The following CYB5R4 variants were observed in gnomAD, a reference collection of about 807,000 sequenced individuals.
CYB5R4 encodes cytochrome b5 reductase 4.
Under a neutral mutation model 70.2 loss-of-function variants are expected in CYB5R4, and 55 were observed. That is an observed-to-expected ratio of 0.78 (90% confidence interval 0.63 to 0.98). CYB5R4 has a LOEUF of 0.98. Among genes scored for constraint, CYB5R4 ranks in the 50% least tolerant of loss-of-function variants. The pLI is 0.00. For missense variants in CYB5R4, 562 were observed against 612.6 expected, an observed-to-expected ratio of 0.92 and a Z score of 0.87; for synonymous variants, 197 against 199.5, an observed-to-expected ratio of 0.99 and a Z score of 0.11.
intron 14 of CYB5R4, among the ~76,000 whole-genome samples, chr6:83,943,803 A>T (rs1221423710): frequency 6.6e-6 from 1 of 152,054 alleles, no homozygotes; most frequent in Non-Finnish European, 1.5e-5. Flanking sequence ...CGAGAACATC[A>T]TGAAGCATAC....
intron 2 of CYB5R4, among the ~76,000 whole-genome samples, chr6:83,888,901 G>A (rs541922979): frequency 1.3e-5 from 2 of 152,296 alleles, no homozygotes; most frequent in African/African-American, 4.8e-5. Flanking sequence ...GTAAGCATAC[G>A]AATGATATAA....
intron 4 of CYB5R4, among the ~76,000 whole-genome samples, chr6:83,912,308 T>G (rs1483208754): frequency 6.6e-6 from 1 of 152,184 alleles, no homozygotes; most frequent in Non-Finnish European, 1.5e-5. Context: ...TTTTTCTAAC[T>G]TTTTATCCAA....
intron 2 of CYB5R4, among the ~76,000 whole-genome samples, chr6:83,889,966 A>C (rs905783811): frequency 6.6e-6 from 1 of 152,126 alleles, no homozygotes; most frequent in African/African-American, 2.4e-5. Context: ...GATCCAGACA[A>C]CTTCCACCAG....
rs936655926 is a variant in CYB5R4, at chr6:83,859,714, A to T, written c.-69A>T. The T allele has an allele frequency of 1.7e-5, 27 of 1,555,168 alleles. No individual in the cohort carries two copies. The African/African-American group carries it at 3.5e-4, about 20-fold the overall frequency. On this transcript the variant is annotated 5_prime_UTR_variant, in exon 1 of 16. Coordinates refer to ENST00000369681, the MANE Select transcript of CYB5R4 (RefSeq NM_016230.4). ...GGGCTTGGCCTCTGCCCGGCCACAGAGCCGGAGCTGGAGGTGCTGTCCCGT... is the reference window on the plus strand; with the variant it reads ...GGGCTTGGCCTCTGCCCGGCCACAGTGCCGGAGCTGGAGGTGCTGTCCCGT...
intron 3 of CYB5R4, among the ~76,000 whole-genome samples, chr6:83,906,257 C>T (rs2099463763): frequency 6.6e-6 from 1 of 152,210 alleles, no homozygotes; most frequent in Non-Finnish European, 1.5e-5. Context: ...GGTGCGGTAG[C>T]TGGCAGTTCC....
chr6:83,928,813 A>G (rs903081335), intron 10 of CYB5R4, among the ~76,000 whole-genome samples: 1 of 152,182 alleles, frequency 6.6e-6, no homozygotes, highest in Non-Finnish European at 1.5e-5. Flanking sequence ...AAATCATAGC[A>G]AACTAGGTAA....
In CYB5R4 at chr6:83,959,982, A is replaced by C; in HGVS notation, c.*104A>C. 1.2e-6 allele frequency: 1 copy of C among 830,742 alleles called. No homozygotes were observed. The highest frequency in any genetic ancestry group is 1.8e-6 in the Non-Finnish European group (1 of 559,608). The allele number at this position is 830,742 out of a possible 1,614,324, so 51.5% of individuals were successfully genotyped here. ...TGTACATAACAAAAGGTTAACTAGA[A>C]TCCAGCCTTCAGTTTCTTAAATGAA... On this transcript the variant is annotated 3_prime_UTR_variant, in exon 16 of 16. Transcript: ENST00000369681.
chr6:83,877,767 C>T (rs1164702491), intron 2 of CYB5R4, among the ~76,000 whole-genome samples: 2 of 152,126 alleles, frequency 1.3e-5, no homozygotes, highest in Non-Finnish European at 2.9e-5. Context: ...ATCATAGCAG[C>T]GAGTAAGATT....
chr6:83,918,596 AT>A (rs1219884467), intron 6 of CYB5R4, among the ~76,000 whole-genome samples: 3 of 151,892 alleles, frequency 2.0e-5, no homozygotes, highest in Admixed American at 2.0e-4. Context: ...TAAATATTCT[AT>A]TTTTTATATC....
intron 14 of CYB5R4, among the ~76,000 whole-genome samples, chr6:83,955,095 G>T (rs2099472136): frequency 6.6e-6 from 1 of 151,852 alleles, no homozygotes; most frequent in African/African-American, 2.4e-5. Context: ...TTATCTATAG[G>T]AAAAGCTAAT....
rs147861769 is a variant in CYB5R4, at chr6:83,953,284, A to T, written c.1347-2014A>T. Among the ~76,000 whole-genome samples the T allele has an allele frequency of 1.3e-4, 20 of 152,206 alleles. No individual in the cohort carries two copies. In the East Asian group the frequency reaches 3.5e-3, roughly 26 times the overall value. The stretch of plus-strand genomic sequence containing the variant: ...ATAGTTAGCCTGCTTTCATGGAATA[A>T]CTACTAACATCTGGAGGCATACTAG... On this transcript the variant is annotated intron_variant, in intron 14 of 15. Transcript: ENST00000369681.
intron 3 of CYB5R4, among the ~76,000 whole-genome samples, chr6:83,905,604 G>T (rs1428225273): frequency 6.6e-6 from 1 of 152,126 alleles, no homozygotes; most frequent in African/African-American, 2.4e-5. Flanking sequence ...TTGGGCCCCA[G>T]TGGTGGGAGC....
At position 83,940,564 on chromosome 6, in the gene CYB5R4, A is replaced by T. The variant is rs759904449; in HGVS notation, c.1309A>T (p.Arg437Ter). 7.5e-6 allele frequency: 12 copies of T among 1,600,920 alleles called. No homozygotes were observed. The highest frequency in any genetic ancestry group is 1.0e-5 in the Non-Finnish European group (12 of 1,176,190). Residue 437 changes from arginine to a stop codon, truncating the protein, a stop_gained, in exon 14 of 16, where the codon AGA becomes TGA. Transcript: ENST00000369681. LOFTEE classifies it high-confidence loss of function. ...TAAAACAGAAGATGATATAATTTGG[A>T]GAAGCCAATTGGAGAAATTAGCATT... ...FNKTEDDIIW[R>*]SQLEKLAFKD... is the part of the protein sequence containing the mutation.
chr6:83,955,537 T>C (rs1407044052), intron 15 of CYB5R4, 75 bp downstream of exon 15: 1 of 1,368,230 alleles, frequency 7.3e-7, no homozygotes, highest in East Asian at 2.4e-5. Flanking sequence ...ATCTCTCAGT[T>C]CTTCCTGTTT....
intron 10 of CYB5R4, among the ~76,000 whole-genome samples, chr6:83,926,093 C>CTAATG (rs1248233337): frequency 2.0e-5 from 3 of 152,070 alleles, no homozygotes; most frequent in Non-Finnish European, 4.4e-5. Context: ...TAAATGCTTT[C>CTAATG]TTTGAATGTT....
chr6:83,957,025 T>G (rs1042044560), intron 15 of CYB5R4, among the ~76,000 whole-genome samples: 2 of 151,922 alleles, frequency 1.3e-5, no homozygotes, highest in African/African-American at 4.8e-5. Flanking sequence ...AAAAACTTTT[T>G]TCTTGTCATA....
chr6:83,944,131 G>A (rs1043704180), intron 14 of CYB5R4, among the ~76,000 whole-genome samples: 7 of 151,988 alleles, frequency 4.6e-5, no homozygotes, highest in African/African-American at 7.2e-5. Context: ...GGACATAATC[G>A]TCAGATTCAC....
intron 2 of CYB5R4, among the ~76,000 whole-genome samples, chr6:83,873,029 G>A (rs1002897106): frequency 1.3e-5 from 2 of 152,084 alleles, no homozygotes; most frequent in African/African-American, 4.8e-5. Flanking sequence ...CTTATTCTAA[G>A]CCTTTACACT....
intron 14 of CYB5R4, among the ~76,000 whole-genome samples, chr6:83,941,893 A>C (rs2099469828): frequency 6.6e-6 from 1 of 152,240 alleles, no homozygotes. Context: ...CCTAAATTCC[A>C]GTTGCCATTC....
Sources: allele counts gnomAD v4.1 joint callset (sites outside exome capture counted in the v4.1 genomes callset), GRCh38; gene constraint gnomAD v4.1.1; transcripts MANE v1.5; gene names NCBI Gene and HGNC (gene_info 2026-07-23, HGNC 2026-07-21).